NR3C1: variants seen among roughly 807,000 people sequenced by gnomAD.
The protein encoded by NR3C1 is nuclear receptor subfamily 3 group C member 1, also known as glucocorticoid receptor.
Under a neutral mutation model 74.0 loss-of-function variants are expected in NR3C1, and 14 were observed. The ratio of observed to expected loss-of-function variants is 0.19; its 90% CI spans 0.12 to 0.30. The LOEUF (loss-of-function observed/expected upper bound fraction) is 0.30. Among genes scored for constraint, NR3C1 ranks in the 10% least tolerant of loss-of-function variants. The pLI, the probability that NR3C1 is intolerant of heterozygous loss-of-function variation, is 1.00. For synonymous variants in NR3C1, 308 were observed against 332.5 expected (o/e 0.93, Z 0.80); for missense variants, 695 against 909.8 (o/e 0.76, Z 3.04).
chr5:143,390,002 A>G (rs542970420), intron 2 of NR3C1: 1 of 814,620 alleles, frequency 1.2e-6, no homozygotes, highest in African/African-American at 1.9e-5. Flanking sequence ...TAAAAAATCT[A>G]AAGTTCTTAA....
At chr5:143,398,388 T>G (rs1431838118) in intron 2 of NR3C1, among the ~76,000 whole-genome samples, 24 of 145,666 alleles carry the variant, frequency 1.6e-4, no homozygotes, top group Non-Finnish European at 3.5e-4. Context: ...CAACTAAGCC[T>G]TTTAGAAGAA....
chr5:143,292,711 C>G (rs914469209), intron 7 of NR3C1, among the ~76,000 whole-genome samples: 1 of 152,182 alleles, frequency 6.6e-6, no homozygotes, highest in South Asian at 2.1e-4. Flanking sequence ...AGTCCTCACT[C>G]AGCCTCCAGC....
chr5:143,431,112 C>A (rs1410968492), intron 1 of NR3C1, among the ~76,000 whole-genome samples: 2 of 152,028 alleles, frequency 1.3e-5, no homozygotes, highest in Non-Finnish European at 2.9e-5. Flanking sequence ...CTTTCTGGGG[C>A]CACAGGGGTA....
intron 2 of NR3C1, among the ~76,000 whole-genome samples, chr5:143,387,554 T>C (rs1837467699): frequency 6.6e-6 from 1 of 152,246 alleles, no homozygotes; most frequent in African/African-American, 2.4e-5. Context: ...GGTTGCCTTC[T>C]AGAGCCCTGT....
At chr5:143,286,219 T>C (rs1322890105) in intron 7 of NR3C1, among the ~76,000 whole-genome samples, 2 of 152,124 alleles carry the variant, frequency 1.3e-5, no homozygotes, top group African/African-American at 4.8e-5. Flanking sequence ...AAAACCTTTC[T>C]ACAAAAAAGG....
intron 2 of NR3C1, among the ~76,000 whole-genome samples, chr5:143,383,592 C>A (rs903904205): frequency 6.6e-6 from 1 of 152,124 alleles, no homozygotes; most frequent in Admixed American, 6.5e-5. Context: ...GGGCTATGGC[C>A]TGGACTACAT....
chr5:143,341,282 T>G (rs1355373527), intron 2 of NR3C1, among the ~76,000 whole-genome samples: 4 of 152,246 alleles, frequency 2.6e-5, no homozygotes, highest in Admixed American at 2.6e-4. Flanking sequence ...TAACTCAGAA[T>G]CAGGAGTGTT....
chr5:143,332,298 C>T (rs1052872080), intron 2 of NR3C1, among the ~76,000 whole-genome samples: 10 of 146,878 alleles, frequency 6.8e-5, no homozygotes, highest in Admixed American at 3.5e-4. Context: ...TAAGAAAGTT[C>T]GGGCACTTTG....
intron 7 of NR3C1, 104 bp downstream of exon 7, chr5:143,295,353 ATAG>A (rs1490597638): frequency 6.7e-7 from 1 of 1,481,860 alleles, no homozygotes; most frequent in Non-Finnish European, 9.0e-7. Context: ...GTAGGAAATA[ATAG>A]TAGACTTGGT....
chr5:143,361,080 C>G (rs747910145), intron 2 of NR3C1, among the ~76,000 whole-genome samples: 2 of 152,196 alleles, frequency 1.3e-5, no homozygotes, highest in African/African-American at 4.8e-5. Context: ...AGAGAGTCTA[C>G]TGGGTATTTA....
chr5:143,281,760 T>C lies in NR3C1; in HGVS notation c.*129A>G. 1 of 1,078,806 alleles carries C rather than the reference T, an allele frequency of 9.3e-7. No individual in the cohort carries two copies. Among genetic ancestry groups the C allele is most frequent in the Non-Finnish European group, 1.4e-6 (1 of 738,774 alleles). 66.8% of individuals were successfully genotyped at this position (1,078,806 alleles called of 1,614,324 possible). A position where few individuals can be genotyped will look rare whatever the true frequency, so the allele number is the denominator to read the frequency against. ...TCTATAAACCACATGTAGTGCGTAT[T>C]TAAAACAAAACAACAGATGAAAACA... On this transcript the variant is annotated 3_prime_UTR_variant, in exon 9 of 9. Coordinates refer to ENST00000394464, the MANE Select transcript of NR3C1 (RefSeq NM_000176.3).
chr5:143,348,674 C>T (rs1461076903), intron 2 of NR3C1, among the ~76,000 whole-genome samples: 1 of 152,026 alleles, frequency 6.6e-6, no homozygotes, highest in Non-Finnish European at 1.5e-5. Context: ...TTCCCATGTA[C>T]GAGAAGACTA....
At chr5:143,399,038 T>C (rs79685131) in intron 2 of NR3C1, among the ~76,000 whole-genome samples, 1 of 152,218 alleles carries the variant, frequency 6.6e-6, no homozygotes, top group Non-Finnish European at 1.5e-5. Flanking sequence ...GTCTACTTTA[T>C]GGCAAGAACC....
rs148560436 is a variant in NR3C1, at chr5:143,334,413, T to C, written c.1185-20245A>G. The stretch of plus-strand genomic sequence containing the variant: ...AAGAAAAGACAGTAGCTTATGTTCA[T>C]GTCAAGCACCTCTCATCACAGTCTA... On this transcript the variant is annotated intron_variant, in intron 2 of 8. Transcript: ENST00000394464. Among the ~76,000 whole-genome samples, 699 of 152,326 alleles carry C rather than the reference T, an allele frequency of 4.6e-3. 8 individuals are homozygous for C. Among genetic ancestry groups the C allele is most frequent in the African/African-American group, 0.016 (685 of 41,562 alleles).
At chr5:143,404,284 G>C, upstream of NR3C1, 5 of 985,592 alleles carry the variant, frequency 5.1e-6, no homozygotes, top group Non-Finnish European at 6.0e-6. Context: ...GTGCCGCAGC[G>C]TCTCGGCCGC....
intron 2 of NR3C1, among the ~76,000 whole-genome samples, chr5:143,375,163 AT>A (rs1477249044): frequency 2.6e-5 from 4 of 152,206 alleles, no homozygotes; most frequent in African/African-American, 9.6e-5. Context: ...GTTTTCGGGA[AT>A]TTTATGCAGA....
intron 7 of NR3C1, among the ~76,000 whole-genome samples, chr5:143,284,524 T>TTATAGTTTTTTTCCCTGCCG (rs199902831): frequency 4.9e-4 from 68 of 138,752 alleles, no homozygotes; most frequent in East Asian, 4.6e-3. Flanking sequence ...CAGCGATGGC[T>TTATAGTTTTTTTCCCTGCCG]TATAGTTTTT....
intron 2 of NR3C1, among the ~76,000 whole-genome samples, chr5:143,385,811 T>A (rs1462312237): frequency 2.0e-5 from 3 of 152,156 alleles, no homozygotes; most frequent in Non-Finnish European, 2.9e-5. Context: ...CATCTTCCTG[T>A]CTTCTTCTGA....
chr5:143,359,501 T>C (rs114742235), intron 2 of NR3C1, among the ~76,000 whole-genome samples: 97 of 152,364 alleles, frequency 6.4e-4, no homozygotes, highest in African/African-American at 2.2e-3. Context: ...CTGCCACTCA[T>C]GAATCCTGAA....
Sources: gnomAD v4.1 joint callset for allele counts (sites outside exome capture counted in the v4.1 genomes callset) on GRCh38, gnomAD v4.1.1 for gene constraint, MANE v1.5 for transcripts, NCBI Gene and HGNC (gene_info 2026-07-23, HGNC 2026-07-21) for gene names.